The following OASL variants were observed in gnomAD, a reference collection of about 807,000 sequenced individuals.
OASL encodes 2'-5'-oligoadenylate synthetase like.
Under a neutral mutation model 35.3 loss-of-function variants are expected in OASL, and 28 were observed. The ratio of observed to expected loss-of-function variants is 0.79; its 90% CI spans 0.59 to 1.09. The LOEUF is 1.09. Among genes scored for constraint, OASL ranks in the 50% least tolerant of loss-of-function variants. The pLI, the probability that OASL is intolerant of heterozygous loss-of-function variation, is 0.00. For missense variants in OASL, 620 were observed against 635.2 expected (o/e 0.98, Z 0.26); for synonymous variants, 252 against 254.6 (o/e 0.99, Z 0.10).
rs201829260 is a variant in OASL, at chr12:121,020,816, G to A, written c.1290C>T (p.Ile430=). ...TCACGAAGACCTGGATCTCGGAGGG[G>A]ATGGTCTCCAGCAGATAGATGTGAG... The change falls in exon 6 of 6, where the codon ATC becomes ATT. Residue 430 remains isoleucine (I), a synonymous_variant. Coordinates refer to ENST00000257570, the Ensembl canonical transcript of OASL. 3.1e-6 allele frequency: 5 copies of A among 1,614,220 alleles called. No homozygotes were observed. The African/African-American group carries it at 5.3e-5, about 17-fold the overall frequency.
At position 121,024,013 on chromosome 12, in the gene OASL, G is replaced by T. The variant is rs778941118; in HGVS notation, c.1024C>A (p.Pro342Thr). Reference sequence around the variant, plus strand: ...ACCTTCACGTTCCAGCTGGAGATGGGGTTCTCCCTGTTGTCATAGCAACAG... The same window carrying T: ...ACCTTCACGTTCCAGCTGGAGATGGTGTTCTCCCTGTTGTCATAGCAACAG... The change falls in exon 5 of 6, where the codon CCC becomes ACC. Residue 342 changes from proline to threonine, a missense_variant. Physicochemically the swap from Pro to Thr is conservative, Grantham distance 38. Coordinates refer to ENST00000257570, the Ensembl canonical transcript of OASL. The T allele has an allele frequency of 3.2e-5, 51 of 1,614,032 alleles. No homozygotes were observed. The highest frequency in any genetic ancestry group is 4.3e-5 in the Non-Finnish European group (51 of 1,180,044).
intron 3 of OASL, among the ~76,000 whole-genome samples, chr12:121,028,890 C>A (rs1432847865): frequency 6.6e-6 from 1 of 151,594 alleles, no homozygotes; most frequent in East Asian, 1.9e-4. Flanking sequence ...CATGGTGAAA[C>A]CCCGTCTCTA....
chr12:121,033,614 T>C (rs1354503070), exon 2 of OASL: 1 of 1,614,190 alleles, frequency 6.2e-7, no homozygotes, highest in East Asian at 2.2e-5. Context: ...CACATGGTTT[T>C]CCATATCAGC....
chr12:121,033,644 G>A (rs1205058570), exon 2 of OASL: 1 of 1,614,164 alleles, frequency 6.2e-7, no homozygotes. Flanking sequence ...TCTTTGTGAT[G>A]CTTGGCTGCC....
chr12:121,019,906 A>G (rs1039115380), exon 6 of OASL: 1 of 152,320 alleles, frequency 6.6e-6, no homozygotes, highest in Non-Finnish European at 1.5e-5. Flanking sequence ...TGGGTTGGTC[A>G]TAAATAGGAA....
At chr12:121,033,384 A>G in intron 2 of OASL, 77 bp downstream of exon 2, 1 of 1,465,970 alleles carries the variant, frequency 6.8e-7, no homozygotes, top group Admixed American at 1.9e-5. Flanking sequence ...GCACGTGGCC[A>G]TGAGTAAAGG....
At chr12:121,019,112 T>C (rs1224397344) in exon 6 of OASL, 1 of 152,168 alleles carries the variant, frequency 6.6e-6, no homozygotes, top group Non-Finnish European at 1.5e-5. Context: ...ACTAAGACAT[T>C]GCATTTTTCA....
In OASL at chr12:121,023,949, C is replaced by T. The variant is rs1251629659; in HGVS notation, c.1047+41G>A. 5.0e-6 allele frequency: 8 copies of T among 1,610,104 alleles called. No homozygotes were observed. The African/African-American group carries it at 1.1e-4, about 22-fold the overall frequency. On this transcript the variant is annotated intron_variant, in intron 5 of 5. Coordinates refer to ENST00000257570, the Ensembl canonical transcript of OASL. ...AATACTGAGTAGTTTATCTGTCGTT[C>T]TGACCTTCAAGCCCTTGACAGCCCA...
intron 4 of OASL, among the ~76,000 whole-genome samples, chr12:121,027,200 A>G (rs1376030438): frequency 6.6e-6 from 1 of 152,174 alleles, no homozygotes; most frequent in Non-Finnish European, 1.5e-5. Flanking sequence ...TGTCTTATGG[A>G]TAAGGGATTG....
Position 121,031,492 on chromosome 12 carries a change from G to GCC in OASL, c.605_606dup (p.Pro203GlyfsTer5). 1 of 1,613,962 alleles carries GCC rather than the reference G, an allele frequency of 6.2e-7. No homozygotes were observed. On this transcript the variant is annotated frameshift_variant, in exon 3 of 6. Coordinates refer to ENST00000257570, the Ensembl canonical transcript of OASL. LOFTEE classifies it high-confidence loss of function. ...CGCAGGAGGCTCTTCAGCTTAGTTG[G>GCC]CCGATGTTTCACGAAATTTCTCTGC...
chr12:121,025,468 A>G (rs1031756737), intron 4 of OASL, among the ~76,000 whole-genome samples: 6 of 152,152 alleles, frequency 3.9e-5, no homozygotes, highest in African/African-American at 1.4e-4. Context: ...GTCCATGATT[A>G]ACACCAGCTC....
chr12:121,032,920 TG>T (rs1434022978), intron 2 of OASL, among the ~76,000 whole-genome samples: 1 of 150,980 alleles, frequency 6.6e-6, no homozygotes, highest in South Asian at 2.1e-4. Flanking sequence ...TTTTTTTGTT[TG>T]TTTTTTTGTT....
chr12:121,038,087 T>TTA (rs1870026856), intron 1 of OASL, among the ~76,000 whole-genome samples: 1 of 141,898 alleles, frequency 7.0e-6, no homozygotes, highest in Non-Finnish European at 1.5e-5. Flanking sequence ...ACCCTGTCTC[T>TTA]AAAAAAAAAA....
chr12:121,020,825 C>G (rs954873267), exon 6 of OASL: 2 of 1,614,052 alleles, frequency 1.2e-6, no homozygotes, highest in African/African-American at 2.7e-5. Context: ...GGATGGTCTC[C>G]AGCAGATAGA....
rs373380604 is a variant in OASL, at chr12:121,027,557, G to T, written c.899+19C>A. On this transcript the variant is annotated intron_variant, in intron 4 of 5. Coordinates refer to ENST00000257570, the Ensembl canonical transcript of OASL. ...TCTTTTTTTCTGTAAGATTTGGTGGGCAAACAGTGGTCCAGTACCTCTCTT... is the reference window on the plus strand; with the variant it reads ...TCTTTTTTTCTGTAAGATTTGGTGGTCAAACAGTGGTCCAGTACCTCTCTT... 6.2e-7 allele frequency: 1 copy of T among 1,611,802 alleles called. No homozygotes were observed. Among genetic ancestry groups the T allele is most frequent in the African/African-American group, 1.3e-5 (1 of 74,856 alleles).
intron 5 of OASL, among the ~76,000 whole-genome samples, chr12:121,023,287 C>CTTTTT (rs768266698): frequency 2.4e-5 from 3 of 123,264 alleles, no homozygotes; most frequent in African/African-American, 5.9e-5. Flanking sequence ...TTTTTTTTTT[C>CTTTTT]TTTTTTTCTT....
At chr12:121,033,348 G>A in intron 2 of OASL, 113 bp downstream of exon 2, 3 of 1,080,108 alleles carry the variant, frequency 2.8e-6, no homozygotes, top group Non-Finnish European at 4.1e-6. Flanking sequence ...ATAGGACACA[G>A]ATGAAATGAA....
intron 1 of OASL, among the ~76,000 whole-genome samples, chr12:121,034,757 T>G (rs916413576): frequency 1.3e-5 from 2 of 152,120 alleles, no homozygotes; most frequent in Non-Finnish European, 2.9e-5. Context: ...ACTGGGCTAC[T>G]GGGAGGATCA....
Position 121,023,287 on chromosome 12 carries a change from C to CTTT in OASL, c.1047+700_1047+702dup, listed in dbSNP as rs768266698. On this transcript the variant is annotated intron_variant, in intron 5 of 5. Coordinates refer to ENST00000257570, the Ensembl canonical transcript of OASL. ...AGTGAGGGTGGTGTCTTTTTTTTTT[C>CTTT]TTTTTTTCTTTTTTTTTTGAGGCAG... Among the ~76,000 whole-genome samples the CTTT allele has an allele frequency of 2.5e-3, 304 of 123,196 alleles. 7 individuals are homozygous for CTTT. The highest frequency in any genetic ancestry group is 3.2e-3 in the Non-Finnish European group (193 of 59,422). 80.8% of individuals were successfully genotyped at this position (123,196 alleles called of 152,430 possible).
Sources: allele counts gnomAD v4.1 joint callset (sites outside exome capture counted in the v4.1 genomes callset), GRCh38; gene constraint gnomAD v4.1.1; transcripts MANE v1.5; gene names NCBI Gene and HGNC (gene_info 2026-07-23, HGNC 2026-07-21).